The following INO80C variants were observed in gnomAD, a reference collection of about 807,000 sequenced individuals.
INO80C encodes INO80 complex subunit C.
Under a neutral mutation model 17.7 loss-of-function variants are expected in INO80C, and 17 were observed. That is an observed-to-expected ratio of 0.96 (90% CI 0.66 to 1.44). The LOEUF (loss-of-function observed/expected upper bound fraction) is 1.44. INO80C is among the 40% of genes most tolerant of loss of function. INO80C has a pLI of 0.00. For missense variants in INO80C, 244 were observed against 245.0 expected (o/e 1.00, Z 0.03); for synonymous variants, 96 against 95.8 (o/e 1.00, Z -0.01).
rs527829388 is a variant in INO80C, at chr18:35,469,113, G to T, written c.448-371C>A. 3.3e-5 allele frequency among the ~76,000 whole-genome samples: 5 copies of T among 152,186 alleles called. No homozygotes were observed. In the East Asian group the frequency reaches 9.7e-4, roughly 30 times the overall value. On this transcript the variant is annotated intron_variant, in intron 4 of 4. Transcript: ENST00000334598. ...GTCTGTGCTCCTCAAGGCAGGAGCC[G>T]ACGCCCAGCATGCTGGGCATGTGCC... is the stretch of plus-strand genomic sequence containing the variant.
rs866625149 is a variant in INO80C at position 35,476,071 on chromosome 18, T to C, written c.447+2211A>G. 5.9e-5 allele frequency among the ~76,000 whole-genome samples: 9 copies of C among 152,338 alleles called. No individual in the cohort carries two copies. In the South Asian group the frequency reaches 1.9e-3, roughly 32 times the overall value. On this transcript the variant is annotated intron_variant, in intron 4 of 4. Transcript: ENST00000334598. ...AATATTTGAAAATAGATTCAGGTTATTTAAAATGTATATTGTAAACATGAA... is the reference window on the plus strand; with the variant it reads ...AATATTTGAAAATAGATTCAGGTTACTTAAAATGTATATTGTAAACATGAA...
chr18:35,480,502 G>A lies in INO80C; in HGVS notation c.218C>T (p.Pro73Leu). The A allele has an allele frequency of 6.2e-7, 1 of 1,614,124 alleles. No homozygotes were observed. The highest frequency in any genetic ancestry group is 1.7e-5 in the Admixed American group (1 of 60,026). Reference protein sequence around the residue: ...KMVPSEFSTGPVEKAAKPLPF... With the variant: ...KMVPSEFSTGLVEKAAKPLPF... Reference sequence around the variant, plus strand: ...CAAAGGTTTGGCAGCTTTTTCCACAGGTCCTGTGCTAAACTCAGAGGGCAC... The same window carrying A: ...CAAAGGTTTGGCAGCTTTTTCCACAAGTCCTGTGCTAAACTCAGAGGGCAC... Residue 73 changes from proline to leucine, a missense_variant, in exon 2 of 5, where the codon CCT becomes CTT. Coordinates refer to ENST00000334598, the MANE Select transcript of INO80C (RefSeq NM_194281.4).
Position 35,497,608 on chromosome 18 carries a change from C to A in INO80C, c.156+111G>T, listed in dbSNP as rs1025979519. The stretch of plus-strand genomic sequence containing the variant: ...GCGGGGCAGCGTCTTTCAACCCCAA[C>A]GGAGACCGCACGCGCAGCGCCCCAC... On this transcript the variant is annotated intron_variant, in intron 1 of 4. Coordinates refer to ENST00000334598, the MANE Select transcript of INO80C (RefSeq NM_194281.4). The A allele has an allele frequency of 2.7e-6, 4 of 1,461,458 alleles. No individual in the cohort carries two copies. The Middle Eastern group carries it at 7.7e-4, about 280-fold the overall frequency. 90.5% of individuals were successfully genotyped at this position (1,461,458 alleles called of 1,614,324 possible).
At chr18:35,495,196 A>T (rs143876824) in intron 1 of INO80C, among the ~76,000 whole-genome samples, 1 of 152,240 alleles carries the variant, frequency 6.6e-6, no homozygotes, top group African/African-American at 2.4e-5. Flanking sequence ...TGGGAGGCCA[A>T]TGTGGGCAGA....
chr18:35,480,313 T>A, intron 2 of INO80C, 140 bp downstream of exon 2: 1 of 661,700 alleles, frequency 1.5e-6, no homozygotes, highest in Admixed American at 2.5e-5. Flanking sequence ...CTTGTCCCCA[T>A]CTTGCCCATA....
chr18:35,496,946 A>T (rs2045988139), intron 1 of INO80C: 1 of 152,256 alleles, frequency 6.6e-6, no homozygotes, highest in Non-Finnish European at 1.5e-5. Flanking sequence ...CCTACAGAAG[A>T]AGGAACAAGA....
chr18:35,480,395 A>T, intron 2 of INO80C, 58 bp downstream of exon 2: 1 of 1,193,212 alleles, frequency 8.4e-7, no homozygotes, highest in Non-Finnish European at 1.3e-6. Context: ...GCCCAGCAAG[A>T]TCAGAGGCTG....
chr18:35,495,833 T>TTA (rs932659171), intron 1 of INO80C, among the ~76,000 whole-genome samples: 4 of 152,054 alleles, frequency 2.6e-5, no homozygotes, highest in African/African-American at 9.7e-5. Context: ...AATTTTTTTT[T>TTA]AAAAGCCAAT....
chr18:35,492,086 T>C (rs993033318), intron 1 of INO80C, among the ~76,000 whole-genome samples: 5 of 152,226 alleles, frequency 3.3e-5, no homozygotes, highest in South Asian at 2.1e-4. Flanking sequence ...AAAGGATAAT[T>C]TGGACATTCT....
intron 1 of INO80C, chr18:35,497,345 G>A (rs969835972): frequency 1.0e-6 from 1 of 985,204 alleles, no homozygotes; most frequent in Non-Finnish European, 1.2e-6. Flanking sequence ...AGCGCTATGC[G>A]CCTCAAAGAC....
chr18:35,480,459 G>C lies in INO80C; in HGVS notation c.261C>G (p.Asn87Lys). The part of the protein sequence containing the change: ...AAKPLPFKDP[N>K]FVHSGHGGAV... The stretch of plus-strand genomic sequence containing the variant: ...TAATACCTTCGATGCTTACCACAAA[G>C]TTGGGATCCTTAAATGGCAAAGGTT... The change falls in exon 2 of 5, where the codon AAC becomes AAG. Residue 87 changes from asparagine (N) to lysine (K), a missense_variant. By Grantham distance (94) the Asn-to-Lys change is moderately conservative. Coordinates refer to ENST00000334598, the MANE Select transcript of INO80C (RefSeq NM_194281.4). The C allele has an allele frequency of 2.5e-6, 4 of 1,607,408 alleles. No homozygotes were observed. The highest frequency in any genetic ancestry group is 3.4e-6 in the Non-Finnish European group (4 of 1,173,788).
At chr18:35,477,744 TG>T (rs1211130498) in intron 4 of INO80C, among the ~76,000 whole-genome samples, 1 of 152,232 alleles carries the variant, frequency 6.6e-6, no homozygotes, top group African/African-American at 2.4e-5. Context: ...CAGAAGCACT[TG>T]AGCAGTCACT....
At chr18:35,476,308 T>C (rs1387381745) in intron 4 of INO80C, among the ~76,000 whole-genome samples, 1 of 152,036 alleles carries the variant, frequency 6.6e-6, no homozygotes, top group Non-Finnish European at 1.5e-5. Flanking sequence ...CCAAGAGGAG[T>C]CTAACGAGAC....
chr18:35,483,106 T>C (rs1211731120), intron 1 of INO80C, among the ~76,000 whole-genome samples: 1 of 152,266 alleles, frequency 6.6e-6, no homozygotes, highest in African/African-American at 2.4e-5. Context: ...TTTTCATTTA[T>C]GCTGTACTAA....
At chr18:35,476,463 T>TATA (rs2045737378) in intron 4 of INO80C, among the ~76,000 whole-genome samples, 3 of 152,240 alleles carry the variant, frequency 2.0e-5, no homozygotes, top group African/African-American at 7.2e-5. Context: ...GAAACTGAGT[T>TATA]TGGGTTATAT....
At position 35,485,232 on chromosome 18, in the gene INO80C, C is replaced by CA. The variant is rs371505763; in HGVS notation, c.157-4670dup. Among the ~76,000 whole-genome samples the CA allele has an allele frequency of 3.3e-5, 5 of 151,936 alleles. No homozygotes were observed. The South Asian group carries it at 6.2e-4, about 19-fold the overall frequency. On this transcript the variant is annotated intron_variant, in intron 1 of 4. Transcript: ENST00000334598. ...CCAAAACTTAGTCCATAACAGCACCCAAAAAATGATAGGGGCAAACTAAAG... is the reference window on the plus strand; with the variant it reads ...CCAAAACTTAGTCCATAACAGCACCCAAAAAAATGATAGGGGCAAACTAAAG...
intron 1 of INO80C, among the ~76,000 whole-genome samples, chr18:35,482,348 G>A (rs1335966850): frequency 1.3e-5 from 2 of 152,194 alleles, no homozygotes; most frequent in Non-Finnish European, 1.5e-5. Flanking sequence ...AACTTACTTA[G>A]TAAGTGAAAA....
At chr18:35,487,278 G>C (rs2045886421) in intron 1 of INO80C, 1 of 249,816 alleles carries the variant, frequency 4.0e-6, no homozygotes, top group East Asian at 1.5e-4. Context: ...TAAGTGGCCA[G>C]TACTCTTCAA....
At chr18:35,483,665 A>G (rs1027293623) in intron 1 of INO80C, 2 of 152,248 alleles carry the variant, frequency 1.3e-5, no homozygotes, top group Non-Finnish European at 1.5e-5. Context: ...GTATGACTGA[A>G]TGCCAGCATC....
Sources: allele counts gnomAD v4.1 joint callset (sites outside exome capture counted in the v4.1 genomes callset), GRCh38; gene constraint gnomAD v4.1.1; transcripts MANE v1.5; gene names NCBI Gene and HGNC (gene_info 2026-07-23, HGNC 2026-07-21).